Variants in KCNMA1 observed in about 807,000 individuals in gnomAD.
KCNMA1 encodes the protein Calcium-activated potassium channel subunit alpha-1.
Under a neutral mutation model 140.0 loss-of-function variants are expected in KCNMA1, and 29 were observed. The observed-to-expected ratio is 0.21, with a 90% confidence interval of 0.15 to 0.28. KCNMA1 has a LOEUF of 0.28. Among genes scored for constraint, KCNMA1 ranks in the 10% least tolerant of loss-of-function variants. KCNMA1 has a pLI of 1.00. For synonymous variants in KCNMA1, 612 were observed against 611.9 expected, an observed-to-expected ratio of 1.00 and a Z score of 0.00; for missense variants, 880 against 1,602.2, an observed-to-expected ratio of 0.55 and a Z score of 7.70.
At chr10:76,895,602 G>T (rs1465185704) in intron 25 of KCNMA1, among the ~76,000 whole-genome samples, 1 of 152,100 alleles carries the variant, frequency 6.6e-6, no homozygotes, top group South Asian at 2.1e-4. Context: ...GTATTATTTG[G>T]CCGTAAAAAA....
chr10:77,135,683 T>G (rs1407347796), intron 5 of KCNMA1, among the ~76,000 whole-genome samples: 1 of 152,294 alleles, frequency 6.6e-6, no homozygotes, highest in East Asian at 1.9e-4. Context: ...ATCCTTTCAT[T>G]TGCAACAATG....
chr10:77,407,593 G>GA (rs2096512789), intron 1 of KCNMA1, among the ~76,000 whole-genome samples: 3 of 152,344 alleles, frequency 2.0e-5, no homozygotes, highest in Admixed American at 2.0e-4. Flanking sequence ...AAAAGGCACA[G>GA]AGCCTGAGAG....
At chr10:77,407,359 A>G (rs2096503797) in intron 1 of KCNMA1, among the ~76,000 whole-genome samples, 1 of 152,240 alleles carries the variant, frequency 6.6e-6, no homozygotes, top group Non-Finnish European at 1.5e-5. Context: ...CCATGCTCCA[A>G]AGAAAAAGCA....
At chr10:77,496,609 A>G (rs1290261219) in intron 1 of KCNMA1, among the ~76,000 whole-genome samples, 1 of 103,910 alleles carries the variant, frequency 9.6e-6, no homozygotes, top group Non-Finnish European at 1.7e-5. Context: ...AAAAAAAAAA[A>G]AAAAAAAAAA....
At chr10:77,306,432 A>G (rs1024380522) in intron 2 of KCNMA1, among the ~76,000 whole-genome samples, 3 of 152,150 alleles carry the variant, frequency 2.0e-5, no homozygotes, top group African/African-American at 7.2e-5. Context: ...AGAAGAGGAG[A>G]GACATTCCAA....
chr10:77,257,592 A>G (rs1222260962), intron 2 of KCNMA1, among the ~76,000 whole-genome samples: 1 of 152,236 alleles, frequency 6.6e-6, no homozygotes, highest in African/African-American at 2.4e-5. Context: ...AGGAAAGGAC[A>G]GACACCAGTG....
intron 3 of KCNMA1, among the ~76,000 whole-genome samples, chr10:77,185,592 G>C (rs2098842761): frequency 6.7e-6 from 1 of 148,962 alleles, no homozygotes; most frequent in South Asian, 2.1e-4. Flanking sequence ...AGTACTCTAA[G>C]GGTTAATTTT....
At chr10:77,393,074 T>C (rs763574760) in intron 2 of KCNMA1, among the ~76,000 whole-genome samples, 2 of 152,128 alleles carry the variant, frequency 1.3e-5, no homozygotes, top group Non-Finnish European at 2.9e-5. Context: ...AATTTGACAA[T>C]GGTGAGTCAG....
At chr10:77,127,157 G>A (rs1031961871) in intron 5 of KCNMA1, among the ~76,000 whole-genome samples, 8 of 150,934 alleles carry the variant, frequency 5.3e-5, no homozygotes, top group Non-Finnish European at 8.8e-5. Context: ...TAAATTACTG[G>A]TGAAATGATG....
chr10:77,215,795 T>A (rs1162053831), intron 3 of KCNMA1, among the ~76,000 whole-genome samples: 1 of 152,124 alleles, frequency 6.6e-6, no homozygotes, highest in Non-Finnish European at 1.5e-5. Context: ...GAGGTCATCA[T>A]AAGAGTGGGG....
intron 2 of KCNMA1, among the ~76,000 whole-genome samples, chr10:77,361,375 T>A (rs1020806427): frequency 1.3e-5 from 2 of 152,204 alleles, no homozygotes; most frequent in African/African-American, 4.8e-5. Flanking sequence ...AGAACAAGAC[T>A]AGAGGAGGCC....
intron 5 of KCNMA1, among the ~76,000 whole-genome samples, chr10:77,123,179 CAAAAAAAAAAAAAAAAAA>C (rs61374890): frequency 0.019 from 1,126 of 59,666 alleles, 18 homozygotes; most frequent in African/African-American, 0.077. Context: ...GACTCCGTCT[CAAAAAAAAAAAAAAAAAA>C]AAAAAAAAAA....
chr10:77,354,874 A>G (rs2093327261), intron 2 of KCNMA1, among the ~76,000 whole-genome samples: 1 of 152,210 alleles, frequency 6.6e-6, no homozygotes, highest in South Asian at 2.1e-4. Context: ...CCCAAAAAAG[A>G]GAGACTATGG....
At chr10:77,389,048 C>T (rs2095715818) in intron 2 of KCNMA1, among the ~76,000 whole-genome samples, 1 of 152,182 alleles carries the variant, frequency 6.6e-6, no homozygotes, top group Non-Finnish European at 1.5e-5. Context: ...GGAGTCTTTG[C>T]TTAAATCATG....
At chr10:77,270,224 A>T (rs1375263882) in intron 2 of KCNMA1, among the ~76,000 whole-genome samples, 1 of 152,036 alleles carries the variant, frequency 6.6e-6, no homozygotes, top group African/African-American at 2.4e-5. Flanking sequence ...AGACTCTCTA[A>T]CTCCAACTAA....
At chr10:77,327,991 T>C (rs1174558763) in intron 2 of KCNMA1, among the ~76,000 whole-genome samples, 1 of 152,116 alleles carries the variant, frequency 6.6e-6, no homozygotes, top group Non-Finnish European at 1.5e-5. Context: ...CCCCTCCCTT[T>C]CCACCCTGAG....
chr10:77,519,865 T>G (rs2052208447), intron 1 of KCNMA1, among the ~76,000 whole-genome samples: 2 of 152,088 alleles, frequency 1.3e-5, no homozygotes, highest in African/African-American at 4.8e-5. Flanking sequence ...GTATGCAGTG[T>G]GAGGGTATAC....
chr10:77,528,847 G>A (rs888526357), intron 1 of KCNMA1, among the ~76,000 whole-genome samples: 1 of 152,014 alleles, frequency 6.6e-6, no homozygotes, highest in African/African-American at 2.4e-5. Context: ...GACACAAAAG[G>A]CCACATATCC....
intron 1 of KCNMA1, among the ~76,000 whole-genome samples, chr10:77,564,231 A>G (rs780140897): frequency 5.9e-5 from 9 of 152,222 alleles, no homozygotes; most frequent in Admixed American, 5.9e-4. Context: ...TTCCTGCAAG[A>G]GGAAGGCTTT....
Sources: gnomAD v4.1 joint callset for allele counts (sites outside exome capture counted in the v4.1 genomes callset) on GRCh38, gnomAD v4.1.1 for gene constraint, MANE v1.5 for transcripts, NCBI Gene and HGNC (gene_info 2026-07-23, HGNC 2026-07-21) for gene names.